The following SORD variants were observed in gnomAD, a reference collection of about 807,000 sequenced individuals.
SORD encodes sorbitol dehydrogenase, also known as (R,R)-butanediol dehydrogenase.
SORD carries 18 observed loss-of-function variants against 35.6 expected under a neutral mutation model. The ratio of observed to expected loss-of-function variants is 0.51; its 90% confidence interval spans 0.35 to 0.75. The LOEUF (loss-of-function observed/expected upper bound fraction) is 0.75. SORD is among the 30% of genes least tolerant of loss of function. The pLI is 0.01. For missense variants in SORD, 250 were observed against 390.2 expected (o/e 0.64, Z 3.03); for synonymous variants, 106 against 152.9 (o/e 0.69, Z 2.26).
rs145998153 is a variant in SORD, at chr15:45,068,442, T to TGA, written c.610+202_610+203dup. Reference sequence around the variant, plus strand: ...CTATCAGAGAGAGAGAGAGTTTGTGTGAGAGAGTGTGTGTGTGTGTGTCTG... The same window carrying TGA: ...CTATCAGAGAGAGAGAGAGTTTGTGTGAGAGAGAGTGTGTGTGTGTGTGTCTG... On this transcript the variant is annotated intron_variant, in intron 6 of 8. Coordinates refer to ENST00000267814, the MANE Select transcript of SORD (RefSeq NM_003104.6). 8.3e-4 allele frequency among the ~76,000 whole-genome samples: 124 copies of TGA among 149,698 alleles called. 1 individual carries two copies. Among genetic ancestry groups the TGA allele is most frequent in the East Asian group, 5.7e-3 (29 of 5,124 alleles).
intron 1 of SORD, among the ~76,000 whole-genome samples, chr15:45,027,041 C>T (rs1892683492): frequency 6.6e-6 from 1 of 152,232 alleles, no homozygotes; most frequent in African/African-American, 2.4e-5. Context: ...TTGACCACAG[C>T]AAGGAGGAGC....
chr15:45,055,301 A>C (rs1457446200), intron 3 of SORD, among the ~76,000 whole-genome samples: 1 of 152,170 alleles, frequency 6.6e-6, no homozygotes, highest in African/African-American at 2.4e-5. Flanking sequence ...AAAATGATAA[A>C]GGGGATATCA....
chr15:45,042,090 CAG>C (rs1892974918), intron 2 of SORD, among the ~76,000 whole-genome samples: 1 of 152,144 alleles, frequency 6.6e-6, no homozygotes, highest in South Asian at 2.1e-4. Flanking sequence ...CTTTCTAAGG[CAG>C]AGTGTTTTTT....
chr15:45,065,236 C>T (rs771414001), intron 4 of SORD, 35 bp from the exon 5 acceptor site: 1 of 1,423,630 alleles, frequency 7.0e-7, no homozygotes, highest in Non-Finnish European at 9.8e-7. Context: ...TTGTAGTTAA[C>T]TCAGAGGATC....
intron 3 of SORD, among the ~76,000 whole-genome samples, chr15:45,048,956 G>A (rs73421347): frequency 0.013 from 1,959 of 152,274 alleles, 52 homozygotes; most frequent in African/African-American, 0.045. Context: ...CAAGCACAGG[G>A]TGCAGCTTCT....
At chr15:45,035,736 G>C (rs1892855051) in intron 1 of SORD, among the ~76,000 whole-genome samples, 1 of 152,174 alleles carries the variant, frequency 6.6e-6, no homozygotes, top group Non-Finnish European at 1.5e-5. Context: ...AACACTCACC[G>C]TGAAGGTCTG....
intron 1 of SORD, 28 bp downstream of exon 1, chr15:45,023,377 T>C (rs1892620313): frequency 6.5e-7 from 1 of 1,531,602 alleles, no homozygotes; most frequent in African/African-American, 1.4e-5. Context: ...GTGGGAAGCA[T>C]ACCGATCCTG....
chr15:45,046,271 C>T (rs1893044194), intron 3 of SORD, among the ~76,000 whole-genome samples: 2 of 152,146 alleles, frequency 1.3e-5, no homozygotes, highest in East Asian at 1.9e-4. Flanking sequence ...GAGATGAAGT[C>T]TCATTCTGTT....
chr15:45,036,084 A>G (rs1317643773), intron 1 of SORD, among the ~76,000 whole-genome samples: 1 of 152,148 alleles, frequency 6.6e-6, no homozygotes, highest in East Asian at 1.9e-4. Context: ...GAAGGTCCGC[A>G]GCTTCACTGC....
chr15:45,042,625 C>G (rs2576068), intron 2 of SORD: 2 of 152,954 alleles, frequency 1.3e-5, no homozygotes, highest in Admixed American at 6.5e-5. Flanking sequence ...TAAATAGATA[C>G]GAATCCACGA....
intron 1 of SORD, among the ~76,000 whole-genome samples, chr15:45,029,427 G>C (rs1391099869): frequency 6.6e-6 from 1 of 152,282 alleles, no homozygotes; most frequent in Non-Finnish European, 1.5e-5. Context: ...GCACATGAAT[G>C]AGTGAGTGCG....
chr15:45,046,275 T>C (rs527438456), intron 3 of SORD, among the ~76,000 whole-genome samples: 252 of 152,250 alleles, frequency 1.7e-3, no homozygotes, highest in African/African-American at 5.6e-3. Context: ...TGAAGTCTCA[T>C]TCTGTTGTCC....
At chr15:45,034,534 T>C (rs983070752) in intron 1 of SORD, among the ~76,000 whole-genome samples, 24 of 152,262 alleles carry the variant, frequency 1.6e-4, no homozygotes, top group African/African-American at 5.8e-4. Flanking sequence ...ACATTTAGTA[T>C]GTGAGAGGTA....
rs1461465348 is a variant in SORD at position 45,049,329 on chromosome 15, G to A, written c.265+5908G>A. ...CTGGCTACTTTCTGCTGGAGGTGGG[G>A]GTTGTGTGGGGGACAGCAGCCAGGG... On this transcript the variant is annotated intron_variant, in intron 3 of 8. Transcript: ENST00000267814. Among the ~76,000 whole-genome samples the A allele has an allele frequency of 2.6e-5, 4 of 152,182 alleles. No homozygotes were observed. In the South Asian group the frequency reaches 8.3e-4, roughly 32 times the overall value.
rs200220912 is a variant in SORD at position 45,036,794 on chromosome 15, G to GA, written c.67-3606dup. ...GAGATGACAAAACCTTTGGGAATGA[G>GA]AAAAAAAAGAGCTGTGGAGATAAAA... On this transcript the variant is annotated intron_variant, in intron 1 of 8. Coordinates refer to ENST00000267814, the MANE Select transcript of SORD (RefSeq NM_003104.6). 8.3e-3 allele frequency among the ~76,000 whole-genome samples: 1,261 copies of GA among 151,808 alleles called. 46 individuals carry two copies. Among genetic ancestry groups the GA allele is most frequent in the Admixed American group, 0.069 (1,054 of 15,250 alleles).
At chr15:45,057,776 C>G (rs1004356015) in intron 3 of SORD, among the ~76,000 whole-genome samples, 1 of 151,838 alleles carries the variant, frequency 6.6e-6, no homozygotes, top group Non-Finnish European at 1.5e-5. Context: ...GAGTGAGACT[C>G]TGTCTCAAAA....
chr15:45,064,270 G>A (rs1317288462), intron 4 of SORD, among the ~76,000 whole-genome samples: 1 of 152,146 alleles, frequency 6.6e-6, no homozygotes, highest in East Asian at 1.9e-4. Context: ...GGACACCTTG[G>A]TTAAGTCTGG....
chr15:45,055,672 G>A (rs1424471516), intron 3 of SORD, among the ~76,000 whole-genome samples: 1 of 152,216 alleles, frequency 6.6e-6, no homozygotes, highest in Non-Finnish European at 1.5e-5. Flanking sequence ...CCAAAGCCGG[G>A]CAGAGACACA....
At chr15:45,061,036 G>A (rs772210951) in intron 3 of SORD, 31 bp from the exon 4 acceptor site, 17 of 1,613,592 alleles carry the variant, frequency 1.1e-5, no homozygotes, top group Non-Finnish European at 1.4e-5. Flanking sequence ...CCCACCCTCG[G>A]ACATGGTGCC....
Sources: allele counts gnomAD v4.1 joint callset (sites outside exome capture counted in the v4.1 genomes callset), GRCh38; gene constraint gnomAD v4.1.1; transcripts MANE v1.5; gene names NCBI Gene and HGNC (gene_info 2026-07-23, HGNC 2026-07-21).